DRD2: variants seen among roughly 807,000 people sequenced by gnomAD.
The protein encoded by DRD2 is D(2) dopamine receptor.
Under a neutral mutation model 38.0 loss-of-function variants are expected in DRD2, and 8 were observed. The observed-to-expected ratio is 0.21, with a 90% CI of 0.12 to 0.38. The LOEUF (loss-of-function observed/expected upper bound fraction) is 0.38, where lower values mean the gene tolerates loss of function less well. Ranked by LOEUF, DRD2 falls within the 10% of genes least tolerant of loss-of-function variation. The probability of loss-of-function intolerance (pLI) is 1.00; values close to 1 mark genes in which losing one functional copy is unlikely to be tolerated. For missense variants in DRD2, 403 were observed against 607.7 expected (o/e 0.66, Z 3.54); for synonymous variants, 230 against 238.6 (o/e 0.96, Z 0.33).
chr11:113,427,551 C>T lies in DRD2; in HGVS notation c.-31-2869G>A, dbSNP rs985984118. 5.3e-5 allele frequency among the ~76,000 whole-genome samples: 8 copies of T among 152,090 alleles called. No individual in the cohort carries two copies. In the East Asian group the frequency reaches 1.5e-3, roughly 29 times the overall value. On this transcript the variant is annotated intron_variant, in intron 1 of 7. Coordinates refer to ENST00000362072, the MANE Select transcript of DRD2 (RefSeq NM_000795.4). ...AAAAACCATACTATCTTGTTCTTTC[C>T]CAACTCTTGACTCTGGTTTGTGGGC...
chr11:113,465,103 C>T (rs564895627), intron 1 of DRD2, among the ~76,000 whole-genome samples: 3 of 148,446 alleles, frequency 2.0e-5, no homozygotes, highest in Admixed American at 6.9e-5. Flanking sequence ...CACATAGCAG[C>T]CTCTGTGATT....
intron 1 of DRD2, among the ~76,000 whole-genome samples, chr11:113,440,341 A>G (rs765128878): frequency 4.6e-5 from 7 of 152,200 alleles, no homozygotes; most frequent in East Asian, 1.9e-4. Context: ...ATATTGATAA[A>G]GGCATGCACT....
At chr11:113,420,610 C>T (rs931431872) in intron 2 of DRD2, among the ~76,000 whole-genome samples, 4 of 152,194 alleles carry the variant, frequency 2.6e-5, no homozygotes, top group African/African-American at 9.7e-5. Context: ...GCCAAGTTCA[C>T]CTGGCAGGTG....
chr11:113,467,147 T>A (rs1427267176), intron 1 of DRD2, among the ~76,000 whole-genome samples: 6 of 152,184 alleles, frequency 3.9e-5, no homozygotes, highest in Non-Finnish European at 5.9e-5. Context: ...CTGCCATAAA[T>A]GAGTGAAAGA....
chr11:113,422,118 G>A (rs146563403), intron 2 of DRD2, among the ~76,000 whole-genome samples: 55 of 152,262 alleles, frequency 3.6e-4, no homozygotes, highest in African/African-American at 1.3e-3. Context: ...TAGAACACAC[G>A]TTCCTCTGGG....
At chr11:113,416,808 A>G in intron 4 of DRD2, 55 bp downstream of exon 4, 1 of 1,602,056 alleles carries the variant, frequency 6.2e-7, no homozygotes, top group Non-Finnish European at 8.5e-7. Flanking sequence ...GGGCCCTTCG[A>G]GGGAGCAGGG....
At chr11:113,441,180 A>G (rs1159299573) in intron 1 of DRD2, among the ~76,000 whole-genome samples, 1 of 152,196 alleles carries the variant, frequency 6.6e-6, no homozygotes, top group Non-Finnish European at 1.5e-5. Flanking sequence ...TCTTCCTACA[A>G]TGAGCCACAT....
intron 1 of DRD2, among the ~76,000 whole-genome samples, chr11:113,446,164 C>T (rs1206959691): frequency 6.6e-6 from 1 of 152,176 alleles, no homozygotes; most frequent in East Asian, 1.9e-4. Context: ...TCAGCTCCCC[C>T]TTCCCACTCG....
At chr11:113,441,682 A>C (rs1951093664) in intron 1 of DRD2, among the ~76,000 whole-genome samples, 1 of 151,958 alleles carries the variant, frequency 6.6e-6, no homozygotes, top group African/African-American at 2.4e-5. Flanking sequence ...CTGTCTCCAC[A>C]CTCCAAGGAT....
chr11:113,415,198 T>G (rs1565660399), intron 5 of DRD2: 1 of 437,078 alleles, frequency 2.3e-6, no homozygotes, highest in Non-Finnish European at 3.9e-6. Context: ...GACTTCCCCT[T>G]GTTATTTAGT....
At chr11:113,458,316 TC>T (rs1348592834) in intron 1 of DRD2, among the ~76,000 whole-genome samples, 4 of 152,260 alleles carry the variant, frequency 2.6e-5, no homozygotes, top group Non-Finnish European at 5.9e-5. Context: ...TGCTTTGATT[TC>T]CTTTTTTATT....
intron 1 of DRD2, among the ~76,000 whole-genome samples, chr11:113,427,566 G>A (rs944483479): frequency 2.0e-4 from 30 of 152,184 alleles, no homozygotes; most frequent in African/African-American, 7.2e-4. Context: ...TCTTGACTCT[G>A]GTTTGTGGGC....
At chr11:113,464,036 A>C (rs1029899362) in intron 1 of DRD2, among the ~76,000 whole-genome samples, 2 of 152,196 alleles carry the variant, frequency 1.3e-5, no homozygotes, top group African/African-American at 4.8e-5. Flanking sequence ...ATGGATGTCC[A>C]CAGATCCATT....
At position 113,455,350 on chromosome 11, in the gene DRD2, A is replaced by C. The variant is rs138652541; in HGVS notation, c.-32+19726T>G. On this transcript the variant is annotated intron_variant, in intron 1 of 7. Coordinates refer to ENST00000362072, the MANE Select transcript of DRD2 (RefSeq NM_000795.4). ...GCACTCCAGCCTGGGTGACAGAGCA[A>C]GACTCCATCTCAAAAAAATAATAAT... 1.1e-3 allele frequency among the ~76,000 whole-genome samples: 169 copies of C among 152,318 alleles called. 1 individual carries two copies. The highest frequency in any genetic ancestry group is 3.9e-3 in the African/African-American group (164 of 41,586).
At chr11:113,454,742 G>T (rs931611618) in intron 1 of DRD2, among the ~76,000 whole-genome samples, 1 of 152,200 alleles carries the variant, frequency 6.6e-6, no homozygotes, top group African/African-American at 2.4e-5. Context: ...TAGAGAAAAC[G>T]TGGTATCCAC....
In DRD2 at chr11:113,467,658, A is replaced by C. The variant is rs572904305; in HGVS notation, c.-32+7418T>G. On this transcript the variant is annotated intron_variant, in intron 1 of 7. Coordinates refer to ENST00000362072, the MANE Select transcript of DRD2 (RefSeq NM_000795.4). ...GAGCAACATACCATGTGACACTGCC[A>C]ATCAGGGAGGCTCCAACCATGAGGT... Among the ~76,000 whole-genome samples the C allele has an allele frequency of 3.9e-5, 6 of 152,326 alleles. No homozygotes were observed. The South Asian group carries it at 8.3e-4, about 21-fold the overall frequency.
At chr11:113,464,771 C>T (rs1210313599) in intron 1 of DRD2, among the ~76,000 whole-genome samples, 1 of 152,236 alleles carries the variant, frequency 6.6e-6, no homozygotes, top group Non-Finnish European at 1.5e-5. Flanking sequence ...CACCATCAGT[C>T]CACCGATTCT....
intron 1 of DRD2, among the ~76,000 whole-genome samples, chr11:113,435,307 CTG>C (rs1012954642): frequency 7.9e-6 from 1 of 125,988 alleles, no homozygotes; most frequent in Non-Finnish European, 1.6e-5. Flanking sequence ...AATTAATTAA[CTG>C]TTAGCTAGAG....
rs369170961 is a variant in DRD2 at position 113,412,743 on chromosome 11, G to A, written c.951C>T (p.Ser317=). The A allele has an allele frequency of 3.1e-6, 5 of 1,613,966 alleles. No individual in the cohort carries two copies. Among genetic ancestry groups the A allele is most frequent in the African/African-American group, 1.3e-5 (1 of 74,930 alleles). ...CTGGTTTGGCGGGGCTGTCGGGAGTGCTGTGGAGACCATGGTGGGACGGGT... is the reference window on the plus strand; with the variant it reads ...CTGGTTTGGCGGGGCTGTCGGGAGTACTGTGGAGACCATGGTGGGACGGGT... The part of the protein sequence containing the change: ...LPDPSHHGLH[S]TPDSPAKPEK... The change falls in exon 7 of 8, where the codon AGC becomes AGT. Residue 317 remains serine (S), a synonymous_variant. Transcript: ENST00000362072.
Sources: allele counts gnomAD v4.1 joint callset (sites outside exome capture counted in the v4.1 genomes callset), GRCh38; gene constraint gnomAD v4.1.1; transcripts MANE v1.5; gene names NCBI Gene and HGNC (gene_info 2026-07-23, HGNC 2026-07-21).